Variants in FSTL5 observed in about 807,000 individuals in gnomAD.
FSTL5 encodes follistatin-related protein 5.
FSTL5 carries 62 observed loss-of-function variants against 89.1 expected under a neutral mutation model. The observed-to-expected ratio is 0.70, with a 90% CI of 0.57 to 0.86. The LOEUF (loss-of-function observed/expected upper bound fraction) is 0.86. Among genes scored for constraint, FSTL5 ranks in the 40% least tolerant of loss-of-function variants. FSTL5 has a pLI of 0.00. For missense variants in FSTL5, 1,057 were observed against 1,001.6 expected, an observed-to-expected ratio of 1.06 and a Z score of -0.75; for synonymous variants, 383 against 346.2, an observed-to-expected ratio of 1.11 and a Z score of -1.18.
intron 6 of FSTL5, among the ~76,000 whole-genome samples, chr4:161,717,727 A>G (rs1229845102): frequency 6.6e-6 from 1 of 152,254 alleles, no homozygotes; most frequent in East Asian, 1.9e-4. Context: ...TGTTTTCATT[A>G]TAAACCAAAA....
At chr4:161,543,055 A>C (rs1049543731) in intron 8 of FSTL5, among the ~76,000 whole-genome samples, 3 of 152,030 alleles carry the variant, frequency 2.0e-5, no homozygotes, top group East Asian at 3.9e-4. Flanking sequence ...AGTAATTACA[A>C]AGGAGTATAA....
intron 7 of FSTL5, among the ~76,000 whole-genome samples, chr4:161,645,596 A>G (rs1736126045): frequency 6.6e-6 from 1 of 152,070 alleles, no homozygotes; most frequent in Non-Finnish European, 1.5e-5. Context: ...CTGTTTGACA[A>G]TACTTATGAT....
At chr4:161,699,835 AG>A (rs1312996802) in intron 6 of FSTL5, among the ~76,000 whole-genome samples, 1 of 152,202 alleles carries the variant, frequency 6.6e-6, no homozygotes, top group East Asian at 1.9e-4. Context: ...AACCTAGAAC[AG>A]GAAATGAAAC....
chr4:162,005,728 C>T (rs1230300071), intron 3 of FSTL5, among the ~76,000 whole-genome samples: 1 of 152,076 alleles, frequency 6.6e-6, no homozygotes, highest in Non-Finnish European at 1.5e-5. Flanking sequence ...AAGCATAATT[C>T]TGACCCCTTT....
intron 4 of FSTL5, among the ~76,000 whole-genome samples, chr4:161,913,835 C>G (rs1386580326): frequency 6.6e-6 from 1 of 152,068 alleles, no homozygotes; most frequent in African/African-American, 2.4e-5. Context: ...CTGTATTTAC[C>G]CCAATACCTG....
intron 3 of FSTL5, among the ~76,000 whole-genome samples, chr4:161,987,083 T>G (rs1735983651): frequency 6.6e-6 from 1 of 152,140 alleles, no homozygotes; most frequent in Admixed American, 6.6e-5. Flanking sequence ...AGTCACGCAT[T>G]CCCTGCATTT....
rs555975008 is a variant in FSTL5 at position 162,014,863 on chromosome 4, T to A, written c.160+18762A>T. On this transcript the variant is annotated intron_variant, in intron 3 of 15. Transcript: ENST00000306100. ...TAAACACGTTAGTAATGGCTTTTCT[T>A]AAAAAAAGAAGAAGGAAAGCAAGAA... Among the ~76,000 whole-genome samples, 250 of 152,256 alleles carry A rather than the reference T, an allele frequency of 1.6e-3. 1 individual carries two copies. Among genetic ancestry groups the A allele is most frequent in the African/African-American group, 5.5e-3 (228 of 41,548 alleles).
chr4:161,952,057 A>G (rs901123290), intron 3 of FSTL5, among the ~76,000 whole-genome samples: 6 of 152,042 alleles, frequency 3.9e-5, no homozygotes, highest in African/African-American at 1.4e-4. Context: ...TAATATGATT[A>G]AAAATAATCT....
chr4:161,565,645 T>C (rs1476456395), intron 8 of FSTL5, among the ~76,000 whole-genome samples: 2 of 151,468 alleles, frequency 1.3e-5, no homozygotes, highest in East Asian at 2.0e-4. Flanking sequence ...CAGAAAAATA[T>C]CTTTGCTATG....
intron 15 of FSTL5, among the ~76,000 whole-genome samples, chr4:161,406,814 C>T (rs757992285): frequency 6.6e-6 from 1 of 152,112 alleles, no homozygotes; most frequent in East Asian, 1.9e-4. Context: ...CTATTTATGT[C>T]TTTACATCTA....
At chr4:161,572,602 T>C (rs1057248771) in intron 8 of FSTL5, among the ~76,000 whole-genome samples, 1 of 152,154 alleles carries the variant, frequency 6.6e-6, no homozygotes, top group South Asian at 2.1e-4. Context: ...TAAGATTACT[T>C]ACATAGATAC....
At chr4:162,135,254 T>C (rs542790593) in intron 1 of FSTL5, among the ~76,000 whole-genome samples, 28 of 152,218 alleles carry the variant, frequency 1.8e-4, no homozygotes, top group African/African-American at 6.5e-4. Flanking sequence ...ATGTTATACC[T>C]CAATTTTATT....
chr4:161,891,507 C>G (rs1033423995), intron 4 of FSTL5, among the ~76,000 whole-genome samples: 3 of 152,056 alleles, frequency 2.0e-5, no homozygotes, highest in African/African-American at 7.2e-5. Flanking sequence ...CTGATGTTAT[C>G]TAATTTAAAT....
At position 161,789,102 on chromosome 4, in the gene FSTL5, T is replaced by G. The variant is rs189203907; in HGVS notation, c.410-13028A>C. Among the ~76,000 whole-genome samples the G allele has an allele frequency of 1.1e-4, 16 of 152,264 alleles. No individual in the cohort carries two copies. The East Asian group carries it at 2.5e-3, about 24-fold the overall frequency. On this transcript the variant is annotated intron_variant, in intron 4 of 15. Transcript: ENST00000306100. ...GACAGATTAATATTTATATACCTAT[T>G]TTTTATATATTTGTATCTATACACT... is the stretch of plus-strand genomic sequence containing the variant.
intron 8 of FSTL5, among the ~76,000 whole-genome samples, chr4:161,546,311 C>T (rs547561698): frequency 2.6e-4 from 37 of 143,132 alleles, no homozygotes; most frequent in African/African-American, 8.7e-4. Flanking sequence ...TATATATACA[C>T]ATATATAAAA....
intron 4 of FSTL5, among the ~76,000 whole-genome samples, chr4:161,895,503 T>C (rs1733127847): frequency 6.6e-6 from 1 of 152,190 alleles, no homozygotes; most frequent in East Asian, 1.9e-4. Flanking sequence ...AGGAGGAAAA[T>C]GAAGCTGACT....
chr4:162,082,652 G>T (rs1730146478), intron 2 of FSTL5, among the ~76,000 whole-genome samples: 1 of 149,706 alleles, frequency 6.7e-6, no homozygotes, highest in African/African-American at 2.5e-5. Flanking sequence ...TTACTTACTT[G>T]GTTCTTAAAG....
chr4:162,142,080 C>T (rs1732769815), intron 1 of FSTL5, among the ~76,000 whole-genome samples: 1 of 152,086 alleles, frequency 6.6e-6, no homozygotes, highest in Non-Finnish European at 1.5e-5. Flanking sequence ...TAACATCCTA[C>T]AATGTGTAGG....
intron 11 of FSTL5, among the ~76,000 whole-genome samples, chr4:161,509,700 T>G (rs992953703): frequency 6.8e-5 from 10 of 148,136 alleles, no homozygotes; most frequent in African/African-American, 2.4e-4. Flanking sequence ...ACCAGGAGTG[T>G]AATGATGGCT....
Sources: gnomAD v4.1 joint callset for allele counts (sites outside exome capture counted in the v4.1 genomes callset) on GRCh38, gnomAD v4.1.1 for gene constraint, MANE v1.5 for transcripts, NCBI Gene and HGNC (gene_info 2026-07-23, HGNC 2026-07-21) for gene names.